Variants in KCNIP4 observed in about 807,000 individuals in gnomAD.
The protein encoded by KCNIP4 is potassium voltage-gated channel interacting protein 4, also known as Kv channel-interacting protein 4.
Under a neutral mutation model 34.0 loss-of-function variants are expected in KCNIP4, and 12 were observed. The observed-to-expected ratio is 0.35, with a 90% CI of 0.23 to 0.57. The LOEUF (loss-of-function observed/expected upper bound fraction) is 0.57, where lower values mean the gene tolerates loss of function less well. Ranked by LOEUF, KCNIP4 falls within the 20% of genes least tolerant of loss-of-function variation. The pLI, the probability that KCNIP4 is intolerant of heterozygous loss-of-function variation, is 0.83. For synonymous variants in KCNIP4, 124 were observed against 102.2 expected, an observed-to-expected ratio of 1.21 and a Z score of -1.29; for missense variants, 238 against 311.7, an observed-to-expected ratio of 0.76 and a Z score of 1.78.
At chr4:21,097,330 A>G (rs1466588902) in intron 1 of KCNIP4, among the ~76,000 whole-genome samples, 1 of 152,236 alleles carries the variant, frequency 6.6e-6, no homozygotes, top group Non-Finnish European at 1.5e-5. Context: ...GCTTGGTGAA[A>G]GAAGCCAGAC....
intron 1 of KCNIP4, among the ~76,000 whole-genome samples, chr4:21,180,231 C>T (rs1754741311): frequency 6.6e-6 from 1 of 152,114 alleles, no homozygotes; most frequent in Non-Finnish European, 1.5e-5. Context: ...CATAAACAAA[C>T]ACAAAAATGC....
chr4:21,191,335 G>A (rs1360395987), intron 1 of KCNIP4, among the ~76,000 whole-genome samples: 1 of 152,134 alleles, frequency 6.6e-6, no homozygotes, highest in Non-Finnish European at 1.5e-5. Flanking sequence ...ATATGAGACT[G>A]GAATATTGAT....
chr4:20,730,284 A>G (rs1747705294), intron 8 of KCNIP4, among the ~76,000 whole-genome samples, 155 bp from the exon 9 acceptor site: 1 of 152,218 alleles, frequency 6.6e-6, no homozygotes, highest in Admixed American at 6.5e-5. Flanking sequence ...ATGCCATTCT[A>G]TTCTATCCAT....
chr4:21,281,309 A>G (rs1197739599), intron 1 of KCNIP4, among the ~76,000 whole-genome samples: 1 of 151,984 alleles, frequency 6.6e-6, no homozygotes, highest in Non-Finnish European at 1.5e-5. Flanking sequence ...GTTGGCCTTG[A>G]ACTCCTGACC....
chr4:21,502,895 T>C, intron 1 of KCNIP4, among the ~76,000 whole-genome samples: 2 of 152,180 alleles, frequency 1.3e-5, no homozygotes, highest in African/African-American at 4.8e-5. Context: ...TGGAAGACAT[T>C]TATACCCATA....
At chr4:21,441,299 G>T (rs1262672844) in intron 1 of KCNIP4, among the ~76,000 whole-genome samples, 2 of 151,590 alleles carry the variant, frequency 1.3e-5, no homozygotes, top group Non-Finnish European at 2.9e-5. Context: ...CCACCACCAC[G>T]CCCGGCTAAT....
intron 1 of KCNIP4, among the ~76,000 whole-genome samples, chr4:21,728,455 T>C (rs1715357854): frequency 6.6e-6 from 1 of 152,170 alleles, no homozygotes; most frequent in African/African-American, 2.4e-5. Context: ...ATGGCCTATT[T>C]ATTGCAGTAG....
intron 1 of KCNIP4, among the ~76,000 whole-genome samples, chr4:21,438,214 G>T (rs564820672): frequency 6.6e-6 from 1 of 152,250 alleles, no homozygotes; most frequent in South Asian, 2.1e-4. Context: ...AAAGAGACAC[G>T]AGAAGGCCAT....
chr4:21,359,059 C>T (rs981564843), intron 1 of KCNIP4, among the ~76,000 whole-genome samples: 4 of 152,112 alleles, frequency 2.6e-5, no homozygotes, highest in East Asian at 3.9e-4. Flanking sequence ...TCCTTAATTT[C>T]GGCAAAATAA....
chr4:21,900,140 C>A (rs1727625808), intron 1 of KCNIP4, among the ~76,000 whole-genome samples: 1 of 152,112 alleles, frequency 6.6e-6, no homozygotes, highest in Non-Finnish European at 1.5e-5. Flanking sequence ...ATAGAAAAAT[C>A]TCAACATATA....
chr4:21,925,580 G>A (rs1729198345), intron 1 of KCNIP4, among the ~76,000 whole-genome samples: 1 of 151,952 alleles, frequency 6.6e-6, no homozygotes, highest in South Asian at 2.1e-4. Context: ...GCTGCACTCA[G>A]GAGATTCCCA....
rs146490164 is a variant in KCNIP4, at chr4:20,823,956, C to T, written c.288+26587G>A. ...AGTGGCTAAGAATATGGCTTCTGGG[C>T]TGGCTACTTAAGCTTGAACCCCAGC... On this transcript the variant is annotated intron_variant, in intron 3 of 8. Transcript: ENST00000382152. Among the ~76,000 whole-genome samples the T allele has an allele frequency of 4.6e-5, 7 of 152,256 alleles. No homozygotes were observed. The East Asian group carries it at 1.4e-3, about 29-fold the overall frequency.
chr4:21,134,437 G>A (rs1295246156), intron 1 of KCNIP4, among the ~76,000 whole-genome samples: 2 of 152,090 alleles, frequency 1.3e-5, no homozygotes, highest in Non-Finnish European at 2.9e-5. Flanking sequence ...TAAAGCTTCT[G>A]GCCAAAAGTA....
chr4:21,622,316 G>A (rs1745046246), intron 1 of KCNIP4, among the ~76,000 whole-genome samples: 2 of 152,104 alleles, frequency 1.3e-5, no homozygotes, highest in South Asian at 4.2e-4. Context: ...TGTTAATTGA[G>A]GTCATAATTG....
At chr4:21,387,241 G>C (rs1485259220) in intron 1 of KCNIP4, among the ~76,000 whole-genome samples, 1 of 152,106 alleles carries the variant, frequency 6.6e-6, no homozygotes, top group Non-Finnish European at 1.5e-5. Context: ...CCAGAAATGA[G>C]TGTTCATGGA....
intron 1 of KCNIP4, among the ~76,000 whole-genome samples, chr4:21,018,963 C>T (rs1739798779): frequency 6.6e-6 from 1 of 152,108 alleles, no homozygotes; most frequent in Admixed American, 6.5e-5. Flanking sequence ...CAAAATACCA[C>T]ACATCGGGTG....
intron 1 of KCNIP4, among the ~76,000 whole-genome samples, chr4:21,654,609 CA>C (rs1303013080): frequency 6.6e-6 from 1 of 151,994 alleles, no homozygotes; most frequent in Non-Finnish European, 1.5e-5. Context: ...GGGCTCATAG[CA>C]AGTGTTAAGT....
At chr4:21,144,386 A>C (rs1354767893) in intron 1 of KCNIP4, among the ~76,000 whole-genome samples, 1 of 152,228 alleles carries the variant, frequency 6.6e-6, no homozygotes, top group Admixed American at 6.5e-5. Context: ...AGAGATTTCT[A>C]AAATTTACAG....
chr4:21,093,152 G>A (rs896103480), intron 1 of KCNIP4, among the ~76,000 whole-genome samples: 3 of 152,138 alleles, frequency 2.0e-5, no homozygotes, highest in Non-Finnish European at 4.4e-5. Flanking sequence ...GGTTGAGCAG[G>A]CAACATTGTT....
Sources: allele counts gnomAD v4.1 joint callset (sites outside exome capture counted in the v4.1 genomes callset), GRCh38; gene constraint gnomAD v4.1.1; transcripts MANE v1.5; gene names NCBI Gene and HGNC (gene_info 2026-07-23, HGNC 2026-07-21).